RAD50: variants seen among roughly 807,000 people sequenced by gnomAD.
RAD50 encodes DNA repair protein RAD50.
In RAD50, 132 loss-of-function variants were observed where a neutral mutation model predicts 168.8. That is an observed-to-expected ratio of 0.78 (90% CI 0.68 to 0.90). RAD50 has a LOEUF of 0.90. Ranked by LOEUF, RAD50 falls within the 40% of genes least tolerant of loss-of-function variation. The pLI, the probability that RAD50 is intolerant of heterozygous loss-of-function variation, is 0.00. For missense variants in RAD50, 1,347 were observed against 1,534.4 expected, an observed-to-expected ratio of 0.88 and a Z score of 2.04; for synonymous variants, 525 against 497.4, an observed-to-expected ratio of 1.06 and a Z score of -0.74.
chr5:132,588,585 A>G, intron 7 of RAD50, 102 bp from the exon 8 acceptor site: 1 of 1,211,796 alleles, frequency 8.3e-7, no homozygotes, highest in Non-Finnish European at 1.2e-6. Context: ...CAAAATGTAC[A>G]AGAGACACAC....
chr5:132,582,702 A>G (rs1449314644), intron 5 of RAD50, among the ~76,000 whole-genome samples: 1 of 152,036 alleles, frequency 6.6e-6, no homozygotes, highest in Non-Finnish European at 1.5e-5. Flanking sequence ...TTCTGCACAC[A>G]AGTTCATGGT....
intron 21 of RAD50, among the ~76,000 whole-genome samples, chr5:132,631,799 G>A (rs1269775154): frequency 1.3e-5 from 2 of 152,100 alleles, no homozygotes; most frequent in Non-Finnish European, 2.9e-5. Flanking sequence ...TTGACTTCCT[G>A]GGATCAAGCT....
chr5:132,600,589 A>G (rs1342284937), intron 13 of RAD50, among the ~76,000 whole-genome samples: 1 of 152,150 alleles, frequency 6.6e-6, no homozygotes, highest in Non-Finnish European at 1.5e-5. Flanking sequence ...TCAGCTGAAA[A>G]TGTACCTGTT....
Position 132,557,014 on chromosome 5 carries a change from G to C in RAD50, c.-311G>C. 1 of 727,046 alleles carries C rather than the reference G, an allele frequency of 1.4e-6. No individual in the cohort carries two copies. The highest frequency in any genetic ancestry group is 1.9e-5 in the South Asian group (1 of 53,460). The allele number at this position is 727,046 out of a possible 1,614,324, so 45.0% of individuals were successfully genotyped here. On this transcript the variant is annotated 5_prime_UTR_variant, in exon 1 of 25. Coordinates refer to ENST00000378823, the MANE Select transcript of RAD50 (RefSeq NM_005732.4). ...GGGCGGCCGAGGCAGGAAGCTGTGA[G>C]TGCGCGGTTGCGGGGTCGCATTGTG...
At chr5:132,599,041 T>C (rs1750841524) in intron 13 of RAD50, among the ~76,000 whole-genome samples, 1 of 152,166 alleles carries the variant, frequency 6.6e-6, no homozygotes, top group South Asian at 2.1e-4. Flanking sequence ...ATTTGTATAT[T>C]CTATATTGTA....
intron 13 of RAD50, among the ~76,000 whole-genome samples, chr5:132,599,283 G>A (rs1750845372): frequency 6.6e-6 from 1 of 152,150 alleles, no homozygotes; most frequent in Admixed American, 6.5e-5. Context: ...CAAGATGCTG[G>A]CAGGGCTGCT....
chr5:132,613,857 A>G (rs1296297810), intron 19 of RAD50, among the ~76,000 whole-genome samples: 2 of 152,110 alleles, frequency 1.3e-5, no homozygotes, highest in African/African-American at 2.4e-5. Context: ...TTGGCCTCCC[A>G]AAGTGCTGGG....
chr5:132,618,606 G>A (rs1272435053), intron 21 of RAD50, among the ~76,000 whole-genome samples: 1 of 152,150 alleles, frequency 6.6e-6, no homozygotes, highest in Non-Finnish European at 1.5e-5. Context: ...TCGAACTCCT[G>A]ACCTGAGGTG....
At chr5:132,574,327 C>T (rs111997105) in intron 2 of RAD50, among the ~76,000 whole-genome samples, 3,076 of 152,296 alleles carry the variant, frequency 0.02, 91 homozygotes, top group African/African-American at 0.065. Flanking sequence ...GCCAAGGCTT[C>T]GGGCTTCCAC....
chr5:132,579,006 T>C lies in RAD50; in HGVS notation c.366-311T>C, dbSNP rs537360587. Among the ~76,000 whole-genome samples, 31 of 152,328 alleles carry C rather than the reference T, an allele frequency of 2.0e-4. No homozygotes were observed. The South Asian group carries it at 6.4e-3, about 32-fold the overall frequency. ...GTTTTGTTTTATTCTTTGTCTCTTA[T>C]TTTTAAGACAGTTAATGCTCTATAT... On this transcript the variant is annotated intron_variant, in intron 3 of 24. Coordinates refer to ENST00000378823, the MANE Select transcript of RAD50 (RefSeq NM_005732.4).
chr5:132,600,011 A>G (rs1189777430), intron 13 of RAD50: 1 of 152,232 alleles, frequency 6.6e-6, no homozygotes, highest in African/African-American at 2.4e-5. Context: ...GAAGAGGGGT[A>G]AAGTAACAAG....
chr5:132,637,303 T>C, intron 22 of RAD50, 103 bp downstream of exon 22: 1 of 1,488,776 alleles, frequency 6.7e-7, no homozygotes, highest in Middle Eastern at 1.9e-4. Flanking sequence ...TGGACCCCTT[T>C]CTAAGCATGT....
chr5:132,623,777 T>TA (rs1751325217), intron 21 of RAD50, among the ~76,000 whole-genome samples: 1 of 152,214 alleles, frequency 6.6e-6, no homozygotes, highest in African/African-American at 2.4e-5. Flanking sequence ...GCTTCTCTTC[T>TA]AAGACTTCTG....
Position 132,642,970 on chromosome 5 carries a change from AC to A in RAD50, c.*609del, listed in dbSNP as rs1376309164. On this transcript the variant is annotated 3_prime_UTR_variant, in exon 25 of 25. Transcript: ENST00000378823. ...ACCTTAAGTAATCATCTAAGTCAGT[AC>A]CCACCACCTTCTTCTCCTACATATC... The A allele has an allele frequency of 1.9e-6, 1 of 523,228 alleles. No homozygotes were observed. The highest frequency in any genetic ancestry group is 1.9e-5 in the African/African-American group (1 of 52,650). The allele number at this position is 523,228 out of a possible 1,614,324, so 32.4% of individuals were successfully genotyped here.
Position 132,643,038 on chromosome 5 carries a change from G to T in RAD50, c.*674G>T. The T allele has an allele frequency of 3.8e-6, 2 of 529,690 alleles. No homozygotes were observed. The highest frequency in any genetic ancestry group is 7.6e-6 in the Non-Finnish European group (2 of 262,712). The allele number at this position is 529,690 out of a possible 1,614,324, so 32.8% of individuals were successfully genotyped here. On this transcript the variant is annotated 3_prime_UTR_variant, in exon 25 of 25. Coordinates refer to ENST00000378823, the MANE Select transcript of RAD50 (RefSeq NM_005732.4). ...CCAGACTCAGAGCTCTCTCTACAGA[G>T]AGGAAATTCTCCACTGTGCACACCC...
At chr5:132,636,515 C>T (rs1400202910) in intron 21 of RAD50, among the ~76,000 whole-genome samples, 3 of 152,128 alleles carry the variant, frequency 2.0e-5, no homozygotes, top group Non-Finnish European at 2.9e-5. Flanking sequence ...AAATCATTCT[C>T]GCTGAACCAA....
At chr5:132,619,835 TCTATATATATATATATAAAG>T (rs1316155477) in intron 21 of RAD50, among the ~76,000 whole-genome samples, 38 of 129,152 alleles carry the variant, frequency 2.9e-4, no homozygotes, top group Middle Eastern at 4.2e-3. Context: ...TCTCTCTCTC[TCTATATATATATATATAAAG>T]ATATATATAT....
At chr5:132,559,567 C>T (rs954617230) in intron 2 of RAD50, among the ~76,000 whole-genome samples, 200 bp downstream of exon 2, 2 of 152,058 alleles carry the variant, frequency 1.3e-5, no homozygotes, top group African/African-American at 4.8e-5. Flanking sequence ...TGATGTCATA[C>T]TCTTAATTTT....
At chr5:132,565,791 C>T (rs773083519) in intron 2 of RAD50, among the ~76,000 whole-genome samples, 14 of 152,258 alleles carry the variant, frequency 9.2e-5, no homozygotes, top group South Asian at 4.2e-4. Flanking sequence ...TATTCCCTGG[C>T]GTGGACACTC....
Sources: gnomAD v4.1 joint callset for allele counts (sites outside exome capture counted in the v4.1 genomes callset) on GRCh38, gnomAD v4.1.1 for gene constraint, MANE v1.5 for transcripts, NCBI Gene and HGNC (gene_info 2026-07-23, HGNC 2026-07-21) for gene names.